Variants in POT1 observed in about 807,000 individuals in gnomAD.
POT1 encodes the protein protection of telomeres protein 1.
In POT1, 47 loss-of-function variants were observed where a neutral mutation model predicts 78.5. That is an observed-to-expected ratio of 0.60 (90% confidence interval 0.47 to 0.76). The LOEUF is 0.76. Ranked by LOEUF, POT1 falls within the 30% of genes least tolerant of loss-of-function variation. POT1 has a pLI of 0.00. For missense variants in POT1, 646 were observed against 749.9 expected (o/e 0.86, Z 1.62); for synonymous variants, 259 against 260.7 (o/e 0.99, Z 0.06).
intron 12 of POT1, 30 bp downstream of exon 12, chr7:124,846,912 G>C (rs377220915): frequency 1.3e-4 from 188 of 1,464,816 alleles, no homozygotes; most frequent in Non-Finnish European, 1.7e-4. Flanking sequence ...TCATTACTGT[G>C]CCCATCTCAA....
chr7:124,909,744 G>A (rs1030024932), intron 3 of POT1, among the ~76,000 whole-genome samples: 21 of 151,824 alleles, frequency 1.4e-4, no homozygotes, highest in African/African-American at 4.6e-4. Context: ...CACTTCACAT[G>A]TCAGGTAAAA....
rs534820410 is a variant in POT1, at chr7:124,896,666, C to T, written c.9+499G>A. ...TGTAAAAATGGGAATGGGCATCTTC[C>T]TATTGCTATAAGGAAGCTATAGCTA... On this transcript the variant is annotated intron_variant, in intron 5 of 18. Coordinates refer to ENST00000357628, the MANE Select transcript of POT1 (RefSeq NM_015450.3). Among the ~76,000 whole-genome samples the T allele has an allele frequency of 7.2e-5, 11 of 151,814 alleles. No homozygotes were observed. The East Asian group carries it at 1.9e-3, about 27-fold the overall frequency.
At chr7:124,862,164 A>G (rs532534150) in intron 8 of POT1, among the ~76,000 whole-genome samples, 54 of 152,280 alleles carry the variant, frequency 3.5e-4, no homozygotes, top group East Asian at 1.9e-4. Context: ...CAAAAAAGTT[A>G]TCTGTTACAA....
At chr7:124,892,206 G>T in intron 6 of POT1, 60 bp downstream of exon 6, 2 of 1,030,326 alleles carry the variant, frequency 1.9e-6, no homozygotes, top group African/African-American at 1.7e-5. Context: ...AGATGGAACC[G>T]TGTTCCTAAA....
rs115083533 is a variant in POT1 at position 124,872,437 on chromosome 7, A to T, written c.125-1396T>A. Among the ~76,000 whole-genome samples, 761 of 152,302 alleles carry T rather than the reference A, an allele frequency of 5.0e-3. 9 individuals carry two copies. Among genetic ancestry groups the T allele is most frequent in the African/African-American group, 0.017 (698 of 41,566 alleles). On this transcript the variant is annotated intron_variant, in intron 6 of 18. Transcript: ENST00000357628. ...GAAAATTACAGAAATAAACAATGTGAATCATCTCTTCATGCAGGGTATCCA... is the reference window on the plus strand; with the variant it reads ...GAAAATTACAGAAATAAACAATGTGTATCATCTCTTCATGCAGGGTATCCA...
At chr7:124,908,359 A>G (rs998629190) in intron 3 of POT1, among the ~76,000 whole-genome samples, 1 of 152,002 alleles carries the variant, frequency 6.6e-6, no homozygotes, top group Non-Finnish European at 1.5e-5. Flanking sequence ...GTATGTGAAT[A>G]ATATTAGCAT....
At chr7:124,875,405 T>C (rs1795966613) in intron 6 of POT1, among the ~76,000 whole-genome samples, 1 of 152,192 alleles carries the variant, frequency 6.6e-6, no homozygotes, top group Admixed American at 6.5e-5. Flanking sequence ...ATAATCACTA[T>C]TATATCATTC....
intron 6 of POT1, among the ~76,000 whole-genome samples, chr7:124,891,845 T>C (rs901118142): frequency 1.3e-5 from 2 of 151,730 alleles, no homozygotes; most frequent in Non-Finnish European, 3.0e-5. Flanking sequence ...ATAATTTGCA[T>C]CTTTTTATAC....
chr7:124,877,751 T>C (rs1049428714), intron 6 of POT1, among the ~76,000 whole-genome samples: 3 of 145,386 alleles, frequency 2.1e-5, no homozygotes, highest in African/African-American at 5.1e-5. Context: ...GAGAGTGGCG[T>C]GAACCCGGGA....
rs374223039 is a variant in POT1, at chr7:124,851,964, G to T, written c.870-13C>A. On this transcript the variant is annotated splice_polypyrimidine_tract_variant and intron_variant, in intron 10 of 18. Coordinates refer to ENST00000357628, the MANE Select transcript of POT1 (RefSeq NM_015450.3). The stretch of plus-strand genomic sequence containing the variant: ...AGATTCTAAATCCCTATAATTGAAA[G>T]AATACAATTTCAAATTGCATAAAAC... 3.2e-6 allele frequency: 5 copies of T among 1,553,832 alleles called. No homozygotes were observed. The East Asian group carries it at 1.1e-4, about 35-fold the overall frequency.
intron 11 of POT1, among the ~76,000 whole-genome samples, chr7:124,848,172 G>A (rs768513171): frequency 3.3e-5 from 5 of 152,018 alleles, no homozygotes; most frequent in Non-Finnish European, 7.4e-5. Context: ...TGGGTTACAC[G>A]TTTATGTATT....
chr7:124,874,828 G>A (rs1795952524), intron 6 of POT1, among the ~76,000 whole-genome samples: 2 of 151,132 alleles, frequency 1.3e-5, no homozygotes, highest in Admixed American at 6.6e-5. Context: ...AGAGAGTAAA[G>A]GGGAGAAAGA....
At chr7:124,869,255 T>C (rs73445753) in intron 7 of POT1, among the ~76,000 whole-genome samples, 1 of 152,272 alleles carries the variant, frequency 6.6e-6, no homozygotes, top group African/African-American at 2.4e-5. Flanking sequence ...CAAACCTGTG[T>C]TGTTGAAGGG....
At chr7:124,915,007 A>G (rs1014188865) in intron 3 of POT1, among the ~76,000 whole-genome samples, 2 of 152,128 alleles carry the variant, frequency 1.3e-5, no homozygotes, top group Non-Finnish European at 2.9e-5. Flanking sequence ...CCACATTTCT[A>G]CCTCATATTA....
intron 2 of POT1, among the ~76,000 whole-genome samples, chr7:124,925,279 T>C (rs1199152829): frequency 6.6e-6 from 1 of 152,072 alleles, no homozygotes; most frequent in East Asian, 1.9e-4. Flanking sequence ...ACAAAATCAA[T>C]GTACAAAAAT....
At chr7:124,843,787 T>C (rs528672396) in intron 12 of POT1, among the ~76,000 whole-genome samples, 1 of 152,196 alleles carries the variant, frequency 6.6e-6, no homozygotes, top group Non-Finnish European at 1.5e-5. Context: ...CAAATCTTAT[T>C]AACCTCAATG....
chr7:124,884,178 AT>A (rs1563004308), intron 6 of POT1, among the ~76,000 whole-genome samples: 2 of 152,132 alleles, frequency 1.3e-5, no homozygotes, highest in Non-Finnish European at 2.9e-5. Context: ...AAAATAATCA[AT>A]ATTACATAAC....
chr7:124,826,063 T>C (rs930387095), intron 17 of POT1, among the ~76,000 whole-genome samples: 4 of 152,184 alleles, frequency 2.6e-5, no homozygotes, highest in Non-Finnish European at 5.9e-5. Flanking sequence ...AGTTTAACAA[T>C]ATGATGTAGG....
intron 2 of POT1, among the ~76,000 whole-genome samples, chr7:124,923,436 C>A (rs1365148590): frequency 6.6e-6 from 1 of 151,506 alleles, no homozygotes; most frequent in Non-Finnish European, 1.5e-5. Context: ...ATCTCAGAAC[C>A]TGAAGACAGA....
Sources: allele counts gnomAD v4.1 joint callset (sites outside exome capture counted in the v4.1 genomes callset), GRCh38; gene constraint gnomAD v4.1.1; transcripts MANE v1.5; gene names NCBI Gene and HGNC (gene_info 2026-07-23, HGNC 2026-07-21).